The following TAF4 variants were observed in gnomAD, a reference collection of about 807,000 sequenced individuals.
The protein encoded by TAF4 is transcription initiation factor TFIID subunit 4.
In TAF4, 9 loss-of-function variants were observed where a neutral mutation model predicts 90.3. That is an observed-to-expected ratio of 0.10 (90% CI 0.06 to 0.17). TAF4 has a LOEUF of 0.17. TAF4 is among the 10% of genes least tolerant of loss of function. The pLI, the probability that TAF4 is intolerant of heterozygous loss-of-function variation, is 1.00. For synonymous variants in TAF4, 818 were observed against 638.9 expected (o/e 1.28, Z -4.23); for missense variants, 1,351 against 1,370.7 (o/e 0.99, Z 0.23).
At chr20:62,049,538 A>G (rs954636509) in intron 1 of TAF4, among the ~76,000 whole-genome samples, 11 of 151,700 alleles carry the variant, frequency 7.3e-5, no homozygotes, top group African/African-American at 1.9e-4. Flanking sequence ...CCTGCAGAGG[A>G]AGGCCCTGCT....
intron 14 of TAF4, among the ~76,000 whole-genome samples, chr20:61,995,166 T>C (rs1027235658): frequency 6.6e-6 from 1 of 152,094 alleles, no homozygotes; most frequent in African/African-American, 2.4e-5. Flanking sequence ...CAGGTAAGCA[T>C]GAGACATGCA....
intron 1 of TAF4, among the ~76,000 whole-genome samples, chr20:62,026,923 A>G (rs1182808581): frequency 3.3e-5 from 5 of 152,202 alleles, no homozygotes; most frequent in Non-Finnish European, 7.3e-5. Flanking sequence ...TGCTCACCTT[A>G]GAGCAAAGTT....
In TAF4 at chr20:61,997,498, A is replaced by G. The variant is rs2055670546; in HGVS notation, c.3090+52T>C. The stretch of plus-strand genomic sequence containing the variant: ...CCGTCCCCTAGAAGAGGGTGGCTCT[A>G]AGATGTTCCCCATGTTTCCCCCAGG... On this transcript the variant is annotated intron_variant, in intron 14 of 14. Transcript: ENST00000252996. The G allele has an allele frequency of 2.7e-6, 4 of 1,491,860 alleles. No individual in the cohort carries two copies. In the African/African-American group the frequency reaches 4.3e-5, roughly 16 times the overall value. 92.4% of individuals were successfully genotyped at this position (1,491,860 alleles called of 1,614,324 possible). A position where few individuals can be genotyped will look rare whatever the true frequency, so the allele number is the denominator to read the frequency against.
chr20:62,053,673 A>G (rs566809785), intron 1 of TAF4, among the ~76,000 whole-genome samples: 23 of 152,250 alleles, frequency 1.5e-4, no homozygotes, highest in Non-Finnish European at 2.5e-4. Context: ...TTTGTTGACC[A>G]ACCAACCAAA....
At chr20:62,034,483 C>G (rs2055921398) in intron 1 of TAF4, among the ~76,000 whole-genome samples, 1 of 152,056 alleles carries the variant, frequency 6.6e-6, no homozygotes, top group Non-Finnish European at 1.5e-5. Flanking sequence ...ACCACCACAC[C>G]TGGCTAAATT....
At chr20:62,012,978 GA>G (rs776752622) in intron 2 of TAF4, 44 bp from the exon 3 acceptor site, 8 of 1,608,742 alleles carry the variant, frequency 5.0e-6, no homozygotes, top group Non-Finnish European at 6.8e-6. Context: ...CAAGTAAAAG[GA>G]ATTCCCACCC....
chr20:62,003,342 T>C (rs2055719900), intron 8 of TAF4, 68 bp from the exon 9 acceptor site: 1 of 1,338,384 alleles, frequency 7.5e-7, no homozygotes, highest in Non-Finnish European at 1.1e-6. Flanking sequence ...CTTTGGTGCT[T>C]TACAGGCTCA....
At chr20:62,029,588 C>A (rs1410141287) in intron 1 of TAF4, among the ~76,000 whole-genome samples, 1 of 152,182 alleles carries the variant, frequency 6.6e-6, no homozygotes, top group Non-Finnish European at 1.5e-5. Context: ...GACTCCTGGC[C>A]TCCAGGAGCT....
At chr20:62,009,215 G>A (rs1600841448) in intron 4 of TAF4, 41 bp from the exon 5 acceptor site, 1 of 1,570,956 alleles carries the variant, frequency 6.4e-7, no homozygotes, top group South Asian at 1.2e-5. Flanking sequence ...AATCTTAAAA[G>A]GCAGATTTTT....
intron 1 of TAF4, among the ~76,000 whole-genome samples, chr20:62,047,228 C>T (rs373956273): frequency 1.4e-4 from 22 of 152,284 alleles, no homozygotes; most frequent in African/African-American, 5.3e-4. Flanking sequence ...GAGCGGGACA[C>T]ACTCTTACTA....
Position 62,017,433 on chromosome 20 carries a change from T to C in TAF4, c.1361-2726A>G, listed in dbSNP as rs367759760. Among the ~76,000 whole-genome samples, 394 of 149,290 alleles carry C rather than the reference T, an allele frequency of 2.6e-3. 2 individuals carry two copies. The highest frequency in any genetic ancestry group is 9.6e-3 in the African/African-American group (386 of 40,270). ...GCGGGTAGATCACGAGGTCAGGAGA[T>C]AGAGACCATCCTGGCTAACACGGTG... On this transcript the variant is annotated intron_variant, in intron 1 of 14. Coordinates refer to ENST00000252996, the MANE Select transcript of TAF4 (RefSeq NM_003185.4).
intron 1 of TAF4, among the ~76,000 whole-genome samples, chr20:62,052,706 G>A (rs1369535678): frequency 6.8e-6 from 1 of 146,148 alleles, no homozygotes; most frequent in Non-Finnish European, 1.5e-5. Flanking sequence ...CAGGTGCCTC[G>A]CGCCACCCCC....
At position 62,060,815 on chromosome 20, in the gene TAF4, G is replaced by A. The variant is rs369349035; in HGVS notation, c.1360+3636C>T. Reference sequence around the variant, plus strand: ...CCCAGGGTGACCCACCTCAGACCTCGGTAACTTCCCCATTGACAGAACCAG... The same window carrying A: ...CCCAGGGTGACCCACCTCAGACCTCAGTAACTTCCCCATTGACAGAACCAG... On this transcript the variant is annotated intron_variant, in intron 1 of 14. Transcript: ENST00000252996. Among the ~76,000 whole-genome samples the A allele has an allele frequency of 6.8e-4, 104 of 152,232 alleles. No individual in the cohort carries two copies. In the South Asian group the frequency reaches 0.021, roughly 30 times the overall value.
chr20:62,032,492 A>C (rs2055909921), intron 1 of TAF4, among the ~76,000 whole-genome samples: 1 of 152,268 alleles, frequency 6.6e-6, no homozygotes, highest in Admixed American at 6.5e-5. Context: ...GGCCACAGGC[A>C]GCGCCTGCTG....
intron 14 of TAF4, among the ~76,000 whole-genome samples, chr20:61,984,523 C>T (rs952598570): frequency 6.6e-6 from 1 of 152,242 alleles, no homozygotes. Flanking sequence ...TACGGGACAT[C>T]AGCAGGATGA....
intron 1 of TAF4, among the ~76,000 whole-genome samples, chr20:62,053,742 G>T (rs868746190): frequency 6.6e-6 from 1 of 152,308 alleles, no homozygotes; most frequent in South Asian, 2.1e-4. Context: ...CTGTCCACCC[G>T]TATCCCACCC....
At chr20:62,030,742 T>C (rs1030797775) in intron 1 of TAF4, among the ~76,000 whole-genome samples, 2 of 152,196 alleles carry the variant, frequency 1.3e-5, no homozygotes, top group African/African-American at 2.4e-5. Context: ...AATGTTGAAT[T>C]GTCTTATCTA....
chr20:61,997,727 C>T, intron 13 of TAF4, 58 bp from the exon 14 acceptor site: 1 of 1,550,040 alleles, frequency 6.5e-7, no homozygotes, highest in South Asian at 1.2e-5. Context: ...TTACTTACTA[C>T]AAAAGTAATA....
At chr20:62,036,305 G>T (rs749641571) in intron 1 of TAF4, among the ~76,000 whole-genome samples, 1 of 152,262 alleles carries the variant, frequency 6.6e-6, no homozygotes, top group South Asian at 2.1e-4. Context: ...GATGACAGGC[G>T]TGAGCCACCG....
Sources: allele counts gnomAD v4.1 joint callset (sites outside exome capture counted in the v4.1 genomes callset), GRCh38; gene constraint gnomAD v4.1.1; transcripts MANE v1.5; gene names NCBI Gene and HGNC (gene_info 2026-07-23, HGNC 2026-07-21).